Variants in FIGLA observed in about 807,000 individuals in gnomAD.
FIGLA encodes factor in the germline alpha.
Under a neutral mutation model 21.5 loss-of-function variants are expected in FIGLA, and 17 were observed. The observed-to-expected ratio is 0.79, with a 90% CI of 0.54 to 1.19. The LOEUF (loss-of-function observed/expected upper bound fraction) is 1.19, where lower values mean the gene tolerates loss of function less well. FIGLA is among the 50% of genes most tolerant of loss of function. The probability of loss-of-function intolerance (pLI) is 0.00; values close to 1 mark genes in which losing one functional copy is unlikely to be tolerated. For missense variants in FIGLA, 282 were observed against 285.0 expected (o/e 0.99, Z 0.08); for synonymous variants, 129 against 117.6 (o/e 1.10, Z -0.63).
chr2:70,780,375 A>G (rs1427542746), intron 3 of FIGLA, among the ~76,000 whole-genome samples: 1 of 152,220 alleles, frequency 6.6e-6, no homozygotes, highest in East Asian at 1.9e-4. Flanking sequence ...TCCTCTGGAT[A>G]TGAGCATTTC....
intron 4 of FIGLA, 63 bp downstream of exon 4, chr2:70,777,573 CT>C: frequency 6.4e-7 from 1 of 1,570,316 alleles, no homozygotes; most frequent in South Asian, 1.2e-5. Context: ...GGAATTAGCA[CT>C]CTTATTATAC....
chr2:70,784,967 C>T (rs1553389658), intron 3 of FIGLA, among the ~76,000 whole-genome samples: 1 of 149,652 alleles, frequency 6.7e-6, no homozygotes, highest in Admixed American at 6.6e-5. Context: ...AAAAGTATCA[C>T]CAAACATGCA....
intron 1 of FIGLA, 59 bp from the exon 2 acceptor site, chr2:70,787,860 C>CCTTCTGT: frequency 6.4e-7 from 1 of 1,563,382 alleles, no homozygotes; most frequent in South Asian, 1.2e-5. Context: ...GACATCTCCC[C>CCTTCTGT]AAGCTACAGA....
chr2:70,785,224 T>TG (rs1553389724), intron 3 of FIGLA, among the ~76,000 whole-genome samples, 191 bp downstream of exon 3: 1 of 152,176 alleles, frequency 6.6e-6, no homozygotes, highest in Admixed American at 6.5e-5. Context: ...TCCCCTTCCC[T>TG]GGAGCCGCTT....
At chr2:70,784,693 T>C (rs782584483) in intron 3 of FIGLA, among the ~76,000 whole-genome samples, 6 of 152,192 alleles carry the variant, frequency 3.9e-5, no homozygotes, top group Non-Finnish European at 5.9e-5. Context: ...AACATGTTTG[T>C]TACAGCATGC....
chr2:70,779,394 C>T (rs1433815238), intron 3 of FIGLA, among the ~76,000 whole-genome samples: 2 of 152,170 alleles, frequency 1.3e-5, no homozygotes, highest in Admixed American at 6.5e-5. Flanking sequence ...AGAAGTTTTA[C>T]CATCGTATAG....
At chr2:70,784,190 A>G (rs188612169) in intron 3 of FIGLA, among the ~76,000 whole-genome samples, 2,475 of 152,138 alleles carry the variant, frequency 0.016, 32 homozygotes, top group Non-Finnish European at 0.022. Context: ...AAGGCCGCCC[A>G]CCACCTCTCT....
At position 70,790,569 on chromosome 2, in the gene FIGLA, C is replaced by G; in HGVS notation, c.70G>C (p.Glu24Gln). 1 of 1,520,014 alleles carries G rather than the reference C, an allele frequency of 6.6e-7. No homozygotes were observed. The highest frequency in any genetic ancestry group is 8.8e-7 in the Non-Finnish European group (1 of 1,139,660). The allele number at this position is 1,520,014 out of a possible 1,614,324, so 94.2% of individuals were successfully genotyped here. The change falls in exon 1 of 5, where the codon GAG (glutamate) becomes CAG (glutamine). Residue 24 changes from glutamate to glutamine, a missense_variant. By Grantham distance (29) the Glu-to-Gln change is conservative. Coordinates refer to ENST00000332372, the MANE Select transcript of FIGLA (RefSeq NM_001004311.3). ...TCCCGCAACACGTCCTCCAGCACCT[C>G]GGCTTGCGGGGTGCCCAGGAGCGCG... Reference protein sequence around the residue: ...PPALLGTPQAEVLEDVLREQF... With the variant: ...PPALLGTPQAQVLEDVLREQF...
At chr2:70,782,933 G>A (rs1289384975) in intron 3 of FIGLA, among the ~76,000 whole-genome samples, 1 of 151,798 alleles carries the variant, frequency 6.6e-6, no homozygotes, top group African/African-American at 2.4e-5. Flanking sequence ...TGGGTGTGGT[G>A]GTGTGAGCCA....
At position 70,790,428 on chromosome 2, in the gene FIGLA, T is replaced by C; in HGVS notation, c.211A>G (p.Asn71Asp). ...CTCACCCGCTCACGCTCCTTGGCGT[T>C]GGCCACACGCCGCCGCTCCAGCACC... ...QLVLERRRVA[N>D]AKERERIKNL... is the part of the protein sequence containing the mutation. The change falls in exon 1 of 5, where the codon AAC becomes GAC. Residue 71 changes from asparagine to aspartate, a missense_variant. Physicochemically the swap from Asn to Asp is conservative, Grantham distance 23. Coordinates refer to ENST00000332372, the MANE Select transcript of FIGLA (RefSeq NM_001004311.3). 1 of 1,541,270 alleles carries C rather than the reference T, an allele frequency of 6.5e-7. No individual in the cohort carries two copies. Among genetic ancestry groups the C allele is most frequent in the Non-Finnish European group, 8.7e-7 (1 of 1,144,204 alleles).
intron 3 of FIGLA, among the ~76,000 whole-genome samples, chr2:70,781,102 G>C (rs1207497715): frequency 1.3e-5 from 2 of 152,220 alleles, no homozygotes; most frequent in Non-Finnish European, 2.9e-5. Flanking sequence ...GATTTAGCGA[G>C]AGCAGGGAGA....
rs996874645 is a variant in FIGLA at position 70,784,178 on chromosome 2, C to G, written c.609+1237G>C. Among the ~76,000 whole-genome samples, 15 of 152,168 alleles carry G rather than the reference C, an allele frequency of 9.9e-5. 1 individual carries two copies. Among genetic ancestry groups the G allele is most frequent in the African/African-American group, 3.4e-4 (14 of 41,506 alleles). On this transcript the variant is annotated intron_variant, in intron 3 of 4. Coordinates refer to ENST00000332372, the MANE Select transcript of FIGLA (RefSeq NM_001004311.3). The stretch of plus-strand genomic sequence containing the variant: ...CAATTAATCTAATCAGAAATGGAAG[C>G]CAAGGCCGCCCACCACCTCTCTCCC...
chr2:70,778,661 T>C (rs1675805612), intron 3 of FIGLA, among the ~76,000 whole-genome samples: 1 of 152,164 alleles, frequency 6.6e-6, no homozygotes, highest in African/African-American at 2.4e-5. Context: ...AGAAACGTAA[T>C]ATTTAAGTAT....
intron 3 of FIGLA, among the ~76,000 whole-genome samples, chr2:70,779,179 C>T (rs537142646): frequency 2.6e-5 from 4 of 152,172 alleles, no homozygotes; most frequent in Non-Finnish European, 5.9e-5. Flanking sequence ...CAACACCTTA[C>T]CAGGTGAAAT....
intron 3 of FIGLA, among the ~76,000 whole-genome samples, chr2:70,779,825 C>G (rs1480267593): frequency 6.6e-6 from 1 of 152,128 alleles, no homozygotes; most frequent in Non-Finnish European, 1.5e-5. Context: ...TCACTGGCAA[C>G]TCTGAACAAA....
Position 70,777,779 on chromosome 2 carries a change from C to G in FIGLA, c.610-108G>C, listed in dbSNP as rs1044148756. 1.5e-5 allele frequency: 8 copies of G among 548,834 alleles called. No individual in the cohort carries two copies. In the African/African-American group the frequency reaches 1.5e-4, roughly 11 times the overall value. 34.0% of individuals were successfully genotyped at this position (548,834 alleles called of 1,614,324 possible). ...AGTGGCCAACAGTAAAAAAATTGTCCCACCTAATGGGTCACATAAACATGC... is the reference window on the plus strand; with the variant it reads ...AGTGGCCAACAGTAAAAAAATTGTCGCACCTAATGGGTCACATAAACATGC... On this transcript the variant is annotated intron_variant, in intron 3 of 4. Coordinates refer to ENST00000332372, the MANE Select transcript of FIGLA (RefSeq NM_001004311.3).
chr2:70,780,326 A>T (rs1675832592), intron 3 of FIGLA, among the ~76,000 whole-genome samples: 1 of 152,124 alleles, frequency 6.6e-6, no homozygotes, highest in Non-Finnish European at 1.5e-5. Flanking sequence ...CACTCCTGCA[A>T]ACTGAAGCTG....
intron 1 of FIGLA, 77 bp downstream of exon 1, chr2:70,790,331 A>T: frequency 7.2e-7 from 1 of 1,391,556 alleles, no homozygotes; most frequent in Non-Finnish European, 9.4e-7. Context: ...CGGTGAGCGG[A>T]CCCCCGGGTG....
At chr2:70,790,172 T>G (rs1676034232) in intron 1 of FIGLA, among the ~76,000 whole-genome samples, 1 of 152,134 alleles carries the variant, frequency 6.6e-6, no homozygotes, top group South Asian at 2.1e-4. Context: ...GCACAAATCC[T>G]GGAGGGTTAG....
Sources: gnomAD v4.1 joint callset for allele counts (sites outside exome capture counted in the v4.1 genomes callset) on GRCh38, gnomAD v4.1.1 for gene constraint, MANE v1.5 for transcripts, NCBI Gene and HGNC (gene_info 2026-07-23, HGNC 2026-07-21) for gene names.